Variants in DNAH2 observed in about 807,000 individuals in gnomAD.
The protein encoded by DNAH2 is dynein axonemal heavy chain 2.
Under a neutral mutation model 523.5 loss-of-function variants are expected in DNAH2, and 323 were observed. That is an observed-to-expected ratio of 0.62 (90% CI 0.56 to 0.68). The LOEUF is 0.68. Among genes scored for constraint, DNAH2 ranks in the 30% least tolerant of loss-of-function variants. DNAH2 has a pLI of 0.00. For missense variants in DNAH2, 4,907 were observed against 5,701.5 expected, an observed-to-expected ratio of 0.86 and a Z score of 4.49; for synonymous variants, 2,093 against 2,177.4, an observed-to-expected ratio of 0.96 and a Z score of 1.08.
At position 7,765,550 on chromosome 17, in the gene DNAH2, G is replaced by A. The variant is rs764060648; in HGVS notation, c.3496G>A (p.Asp1166Asn). The change falls in exon 21 of 86, where the codon GAT (aspartate) becomes AAT (asparagine). Residue 1166 changes from aspartate to asparagine, a missense_variant. Around this residue, in one of 3 missense-constraint regions of DNAH2, gnomAD observed 2,806 missense variants for 3,190.8 expected, o/e 0.88. Transcript: ENST00000572933. Reference protein sequence around the residue: ...FKKKAHTLLEDFEFKGHFTSN... With the variant: ...FKKKAHTLLENFEFKGHFTSN... ...GAAGAAAGCACATACACTTCTGGAA[G>A]ATTTCGAATTCAAAGGTACTCCTTG... 2.5e-6 allele frequency: 4 copies of A among 1,613,414 alleles called. No individual in the cohort carries two copies. The highest frequency in any genetic ancestry group is 3.4e-6 in the Non-Finnish European group (4 of 1,179,658).
In DNAH2 at chr17:7,737,143, T is replaced by C. The variant is rs2075165821; in HGVS notation, c.1055T>C (p.Met352Thr). 5.0e-6 allele frequency: 8 copies of C among 1,614,190 alleles called. No homozygotes were observed. The highest frequency in any genetic ancestry group is 6.8e-6 in the Non-Finnish European group (8 of 1,180,018). The change falls in exon 8 of 86, where the codon ATG becomes ACG. Residue 352 changes from methionine (M) to threonine (T), a missense_variant. This residue lies in a region of DNAH2 where 2,806 missense variants were observed against 3,190.8 expected (regional missense o/e 0.88). Coordinates refer to ENST00000572933, the MANE Select transcript of DNAH2 (RefSeq NM_020877.5). ...GAACCTTACCAGGAGTTGGCTTTCATGAAGCCCAAGGACATCTCTAGCAAG... is the reference window on the plus strand; with the variant it reads ...GAACCTTACCAGGAGTTGGCTTTCACGAAGCCCAAGGACATCTCTAGCAAG... ...LKEPYQELAF[M>T]KPKDISSKLP...
intron 56 of DNAH2, among the ~76,000 whole-genome samples, chr17:7,799,803 G>A (rs1018754043): frequency 6.6e-6 from 1 of 152,162 alleles, no homozygotes; most frequent in Non-Finnish European, 1.5e-5. Flanking sequence ...GGGTGACAGA[G>A]CGAGACTCTG....
Position 7,793,447 on chromosome 17 carries a change from TTTTCTTTC to T in DNAH2, c.7569+305_7569+312del, listed in dbSNP as rs557051250. Reference sequence around the variant, plus strand: ...GCCTGCTTGCTTTTTCTTTCTTTCTTTTTCTTTCTTTCTTTCTTTCTTTCTTTCTTTCT... The same window carrying T: ...GCCTGCTTGCTTTTTCTTTCTTTCTTTTTCTTTCTTTCTTTCTTTCTTTCT... On this transcript the variant is annotated intron_variant, in intron 48 of 85. Transcript: ENST00000572933. Among the ~76,000 whole-genome samples the T allele has an allele frequency of 7.1e-3, 682 of 96,372 alleles. 7 individuals are homozygous for T. The highest frequency in any genetic ancestry group is 0.019 in the African/African-American group (530 of 28,070). The allele number at this position is 96,372 out of a possible 152,430, so 63.2% of individuals were successfully genotyped here.
intron 2 of DNAH2, among the ~76,000 whole-genome samples, chr17:7,720,597 C>T (rs1316987855): frequency 6.6e-6 from 1 of 152,150 alleles, no homozygotes; most frequent in Admixed American, 6.5e-5. Flanking sequence ...GAGCACTGGT[C>T]AGTGTAGACA....
chr17:7,826,535 CTTTTTTT>C (rs35943055), intron 77 of DNAH2, among the ~76,000 whole-genome samples: 2 of 111,228 alleles, frequency 1.8e-5, no homozygotes, highest in Non-Finnish European at 3.5e-5. Context: ...TGCCCATCAT[CTTTTTTT>C]TTTTTTTTTT....
rs753641953 is a variant in DNAH2 at position 7,804,264 on chromosome 17, G to A, written c.8981G>A (p.Gly2994Glu). 9 of 1,613,966 alleles carry A rather than the reference G, an allele frequency of 5.6e-6. No homozygotes were observed. In the East Asian group the frequency reaches 8.9e-5, roughly 16 times the overall value. ...CCTATTCTTTCCCCCAGGTTGCTGG[G>A]AGAAAAACGGCAGGAGCTGCTGGCC... is the stretch of plus-strand genomic sequence containing the variant. ...ELLSGYKKLL[G>E]EKRQELLAQA... The change falls in exon 59 of 86, where the codon GGA becomes GAA. Residue 2994 changes from glycine to glutamate, a missense_variant. Physicochemically the swap from Gly to Glu is moderately conservative, Grantham distance 98. This residue lies in a region of DNAH2 where 1,851 missense variants were observed against 2,139.4 expected (regional missense o/e 0.87). Transcript: ENST00000572933.
rs963791874 is a variant in DNAH2 at position 7,807,414 on chromosome 17, G to A, written c.9613-56G>A. 3 of 1,607,482 alleles carry A rather than the reference G, an allele frequency of 1.9e-6. No individual in the cohort carries two copies. Among genetic ancestry groups the A allele is most frequent in the South Asian group, 1.1e-5 (1 of 90,936 alleles). ...AGGTGGAAGGAGGGGATGCCTGGAGGTGAGGGGGTTGGTGGGTTGGTGGGC... is the reference window on the plus strand; with the variant it reads ...AGGTGGAAGGAGGGGATGCCTGGAGATGAGGGGGTTGGTGGGTTGGTGGGC... On this transcript the variant is annotated intron_variant, in intron 62 of 85. Transcript: ENST00000572933. The surrounding 1 kb of genome is among the most constrained non-coding windows in gnomAD (Gnocchi z 5.6).
chr17:7,827,268 T>C (rs1366963651), intron 77 of DNAH2, among the ~76,000 whole-genome samples: 1 of 151,082 alleles, frequency 6.6e-6, no homozygotes, highest in Non-Finnish European at 1.5e-5. Context: ...TCTTTCCTTT[T>C]TTAAATGGTT....
chr17:7,822,702 T>C (rs1202971168), intron 73 of DNAH2, among the ~76,000 whole-genome samples: 2 of 152,192 alleles, frequency 1.3e-5, no homozygotes, highest in Non-Finnish European at 1.5e-5. Context: ...CAAGGGCAGA[T>C]ATATTTGTCC....
At chr17:7,738,512 G>A (rs2075209122) in intron 8 of DNAH2, among the ~76,000 whole-genome samples, 1 of 152,008 alleles carries the variant, frequency 6.6e-6, no homozygotes, top group South Asian at 2.1e-4. Context: ...TGTATTTTTA[G>A]TAGAGACAGG....
chr17:7,768,244 G>A lies in DNAH2; in HGVS notation c.3918G>A (p.Leu1306=), dbSNP rs767469312. ...GGACCATGCCTCTCATCTCAGACCT[G>A]CGGAACCCTGCCCTTAGAGAGAGGT... The part of the protein sequence containing the change: ...FKRTMPLISD[L]RNPALRERHW... Residue 1306 remains leucine (L), a synonymous_variant, in exon 24 of 86, where the codon CTG becomes CTA. Transcript: ENST00000572933. 4.5e-5 allele frequency: 73 copies of A among 1,614,040 alleles called. No homozygotes were observed. In the Middle Eastern group the frequency reaches 4.9e-4, roughly 11 times the overall value.
chr17:7,764,814 C>T (rs1445810156), intron 20 of DNAH2, among the ~76,000 whole-genome samples: 1 of 125,166 alleles, frequency 8.0e-6, no homozygotes, highest in Admixed American at 8.6e-5. Flanking sequence ...TGGTTTTGGC[C>T]TCATTCTCAG....
intron 4 of DNAH2, among the ~76,000 whole-genome samples, chr17:7,729,106 A>G (rs1440591263): frequency 1.3e-5 from 2 of 152,080 alleles, no homozygotes; most frequent in Non-Finnish European, 2.9e-5. Flanking sequence ...AAAAAACCAA[A>G]CCAACCAAAA....
Position 7,764,175 on chromosome 17 carries a change from G to A in DNAH2, c.3238G>A (p.Ala1080Thr), listed in dbSNP as rs1227327960. 1 of 1,614,212 alleles carries A rather than the reference G, an allele frequency of 6.2e-7. No individual in the cohort carries two copies. Among genetic ancestry groups the A allele is most frequent in the African/African-American group, 1.3e-5 (1 of 75,058 alleles). Residue 1080 changes from alanine (A) to threonine (T), a missense_variant, in exon 20 of 86, where the codon GCC (alanine) becomes ACC (threonine). This residue lies in a region of DNAH2 where 2,806 missense variants were observed against 3,190.8 expected (regional missense o/e 0.88). Transcript: ENST00000572933. ...ELGVSLQLVD[A>T]LKHDLANVET... ...GGGGGTCAGCTTGCAGCTCGTGGAT[G>A]CCCTGAAGCACGACTTGGCCAACGT...
chr17:7,822,253 G>T (rs2077876300), intron 73 of DNAH2, among the ~76,000 whole-genome samples: 1 of 152,202 alleles, frequency 6.6e-6, no homozygotes, highest in African/African-American at 2.4e-5. Context: ...TTATAGGTGT[G>T]AGCCACTGTG....
chr17:7,771,104 C>T (rs1428490055), intron 27 of DNAH2, among the ~76,000 whole-genome samples, 171 bp downstream of exon 27: 4 of 152,154 alleles, frequency 2.6e-5, no homozygotes, highest in African/African-American at 7.2e-5. Flanking sequence ...AGATTCCCTC[C>T]GTAACAAGTT....
rs2076214179 is a variant in DNAH2 at position 7,767,934 on chromosome 17, C to T, written c.3710C>T (p.Ala1237Val). The change falls in exon 23 of 86, where the codon GCA becomes GTA. Residue 1237 changes from alanine (A) to valine (V), a missense_variant. Ala to Val is a moderately conservative substitution (Grantham distance 64). Transcript: ENST00000572933. ...GCCCTCCAGCAAATCTGGGAGATCG[C>T]ACGAGACTGGGAGGAGAACTGGAAT... ...LDALQQIWEI[A>V]RDWEENWNEW... 6.2e-7 allele frequency: 1 copy of T among 1,614,034 alleles called. No individual in the cohort carries two copies. Among genetic ancestry groups the T allele is most frequent in the Non-Finnish European group, 8.5e-7 (1 of 1,179,952 alleles).
At chr17:7,810,666 G>A (rs1256987783) in intron 63 of DNAH2, among the ~76,000 whole-genome samples, 2 of 152,178 alleles carry the variant, frequency 1.3e-5, no homozygotes, top group African/African-American at 4.8e-5. Flanking sequence ...TGGGATTACA[G>A]GTGTGAGCCA....
At chr17:7,738,707 G>A (rs977170083) in intron 8 of DNAH2, among the ~76,000 whole-genome samples, 3 of 151,984 alleles carry the variant, frequency 2.0e-5, no homozygotes, top group Non-Finnish European at 2.9e-5. Flanking sequence ...TGACCCCATC[G>A]TCTAAAATTC....
Sources: allele counts gnomAD v4.1 joint callset (sites outside exome capture counted in the v4.1 genomes callset), GRCh38; gene constraint gnomAD v4.1.1; regional missense constraint gnomAD v4.1.1; non-coding constraint Gnocchi (gnomAD v3.1); transcripts MANE v1.5; gene names NCBI Gene and HGNC (gene_info 2026-07-23, HGNC 2026-07-21).